The following LIMCH1 variants were observed in gnomAD, a reference collection of about 807,000 sequenced individuals.
The protein encoded by LIMCH1 is LIM and calponin homology domains 1, also known as LIM and calponin homology domains-containing protein 1.
In LIMCH1, 113 loss-of-function variants were observed where a neutral mutation model predicts 176.5. That is an observed-to-expected ratio of 0.64 (90% CI 0.55 to 0.75). The LOEUF (loss-of-function observed/expected upper bound fraction) is 0.75, where lower values mean the gene tolerates loss of function less well. LIMCH1 is among the 30% of genes least tolerant of loss of function. The probability of loss-of-function intolerance (pLI) is 0.00; values close to 1 mark genes in which losing one functional copy is unlikely to be tolerated. For synonymous variants in LIMCH1, 619 were observed against 645.9 expected (o/e 0.96, Z 0.63); for missense variants, 1,674 against 1,814.9 (o/e 0.92, Z 1.41).
chr4:41,623,547 C>T (rs2092732644), intron 7 of LIMCH1, among the ~76,000 whole-genome samples: 1 of 152,056 alleles, frequency 6.6e-6, no homozygotes, highest in Non-Finnish European at 1.5e-5. Flanking sequence ...CACTTGAGGT[C>T]AGGAGTTCAA....
At chr4:41,560,469 C>A (rs1051686832) in intron 1 of LIMCH1, among the ~76,000 whole-genome samples, 21 of 152,212 alleles carry the variant, frequency 1.4e-4, no homozygotes, top group Admixed American at 7.2e-4. Context: ...AAAATCTAGG[C>A]TTCTGAAGTA....
intron 2 of LIMCH1, among the ~76,000 whole-genome samples, chr4:41,511,033 G>T (rs539670689): frequency 4.9e-4 from 75 of 152,298 alleles, no homozygotes; most frequent in African/African-American, 1.8e-3. Context: ...AGCCACTGTA[G>T]ACTCTGCTGG....
At chr4:41,433,497 C>A (rs1265165061) in intron 1 of LIMCH1, among the ~76,000 whole-genome samples, 1 of 151,960 alleles carries the variant, frequency 6.6e-6, no homozygotes, top group Non-Finnish European at 1.5e-5. Context: ...CAGTTGGTGC[C>A]GGGGCTGGGC....
At chr4:41,553,655 A>G (rs893606848) in intron 1 of LIMCH1, among the ~76,000 whole-genome samples, 2 of 152,216 alleles carry the variant, frequency 1.3e-5, no homozygotes, top group South Asian at 4.2e-4. Context: ...AATGATAGCA[A>G]TGAAAGAACG....
rs115421177 is a variant in LIMCH1, at chr4:41,698,200, G to A, written c.*1015G>A. On this transcript the variant is annotated 3_prime_UTR_variant, in exon 32 of 32. Coordinates refer to ENST00000503057, the MANE Select transcript of LIMCH1 (RefSeq NM_001330672.2). ...GAAGCACAGGTGTCCAAAGAAAAGCGTTAAGTCCATCTTAATAGAATCTAT... is the reference window on the plus strand; with the variant it reads ...GAAGCACAGGTGTCCAAAGAAAAGCATTAAGTCCATCTTAATAGAATCTAT... 0.045 allele frequency: 6,790 copies of A among 152,272 alleles called. 199 individuals carry two copies. Among genetic ancestry groups the A allele is most frequent in the South Asian group, 0.1 (492 of 4,804 alleles). The allele number at this position is 152,272 out of a possible 1,614,324, so 9.4% of individuals were successfully genotyped here.
intron 1 of LIMCH1, among the ~76,000 whole-genome samples, chr4:41,454,970 GTGTGTGTGTT>G (rs1254572398): frequency 1.3e-5 from 2 of 148,448 alleles, no homozygotes; most frequent in African/African-American, 2.6e-5. Flanking sequence ...GTGTGTGTGT[GTGTGTGTGTT>G]TGTGTGGTCA....
intron 1 of LIMCH1, among the ~76,000 whole-genome samples, chr4:41,582,066 G>T (rs939675671): frequency 2.0e-5 from 3 of 152,268 alleles, no homozygotes; most frequent in African/African-American, 7.2e-5. Context: ...ATACTGCAAT[G>T]AACATGTTAT....
intron 1 of LIMCH1, among the ~76,000 whole-genome samples, chr4:41,453,300 A>G (rs1320302743): frequency 6.6e-6 from 1 of 152,218 alleles, no homozygotes; most frequent in African/African-American, 2.4e-5. Context: ...AACCCCACCT[A>G]GTCAAAAATC....
In LIMCH1 at chr4:41,620,831, G is replaced by A. The variant is rs73135477; in HGVS notation, c.725+141G>A. On this transcript the variant is annotated intron_variant, in intron 7 of 31. Coordinates refer to ENST00000503057, the MANE Select transcript of LIMCH1 (RefSeq NM_001330672.2). ...CATCACTGTTCCCTGCTCTGAGCAC[G>A]TAGATGATAGTCTTTGCCTTAAGGC... The A allele has an allele frequency of 9.7e-3, 9,357 of 966,108 alleles. 582 individuals carry two copies. In the African/African-American group the frequency reaches 0.14, roughly 14 times the overall value. The allele number at this position is 966,108 out of a possible 1,614,324, so 59.8% of individuals were successfully genotyped here. A position where few individuals can be genotyped will look rare whatever the true frequency, so the allele number is the denominator to read the frequency against.
At chr4:41,616,556 TAAAG>T (rs879710381) in intron 5 of LIMCH1, among the ~76,000 whole-genome samples, 68 of 149,682 alleles carry the variant, frequency 4.5e-4, no homozygotes, top group African/African-American at 1.5e-3. Flanking sequence ...AATAATAAAA[TAAAG>T]AAAATCATCA....
intron 3 of LIMCH1, among the ~76,000 whole-genome samples, chr4:41,526,568 A>G (rs2076680329): frequency 6.6e-6 from 1 of 152,072 alleles, no homozygotes; most frequent in African/African-American, 2.4e-5. Context: ...TTCTCGCGTC[A>G]TGCCTGTGCC....
At chr4:41,468,405 C>A (rs2154157517) in intron 1 of LIMCH1, among the ~76,000 whole-genome samples, 1 of 136,686 alleles carries the variant, frequency 7.3e-6, no homozygotes, top group East Asian at 2.3e-4. Context: ...TTCCTCCCTT[C>A]CTTCCTTCCT....
intron 1 of LIMCH1, among the ~76,000 whole-genome samples, chr4:41,384,202 C>A (rs976288133): frequency 6.6e-5 from 10 of 151,180 alleles, no homozygotes; most frequent in African/African-American, 2.2e-4. Flanking sequence ...CACATTACAT[C>A]CTGCTTTCTT....
intron 14 of LIMCH1, among the ~76,000 whole-genome samples, chr4:41,640,704 T>G (rs918789039): frequency 6.6e-6 from 1 of 152,204 alleles, no homozygotes; most frequent in African/African-American, 2.4e-5. Flanking sequence ...TTATACTATT[T>G]TTAGTTTATT....
rs557737217 is a variant in LIMCH1, at chr4:41,544,027, C to T, written c.-241+5677C>T. Among the ~76,000 whole-genome samples the T allele has an allele frequency of 2.6e-5, 4 of 152,258 alleles. No individual in the cohort carries two copies. In the South Asian group the frequency reaches 8.3e-4, roughly 32 times the overall value. On this transcript the variant is annotated intron_variant, in intron 1 of 31. Coordinates refer to ENST00000503057, the MANE Select transcript of LIMCH1 (RefSeq NM_001330672.2). ...CACCTATGGACATGCTTCCCTGCAG[C>T]AAATAACATGACAAACTCTTTGCCT...
chr4:41,380,122 C>T (rs1277030215), intron 1 of LIMCH1, among the ~76,000 whole-genome samples: 2 of 151,876 alleles, frequency 1.3e-5, no homozygotes, highest in Admixed American at 6.6e-5. Flanking sequence ...GTATTTTAAA[C>T]ACCACCACTA....
intron 13 of LIMCH1, among the ~76,000 whole-genome samples, chr4:41,634,634 C>G (rs1009219500): frequency 1.3e-5 from 2 of 152,154 alleles, no homozygotes; most frequent in African/African-American, 2.4e-5. Context: ...AGTAATGGAG[C>G]CTAGCACTGT....
intron 20 of LIMCH1, 124 bp from the exon 21 acceptor site, chr4:41,666,437 T>C (rs2094829354): frequency 1.7e-6 from 1 of 591,092 alleles, no homozygotes; most frequent in Non-Finnish European, 2.9e-6. Flanking sequence ...ATGTTTAAAT[T>C]TAAATGTTAA....
intron 1 of LIMCH1, among the ~76,000 whole-genome samples, chr4:41,547,896 T>TATATAA (rs1554094827): frequency 2.8e-5 from 4 of 140,764 alleles, no homozygotes; most frequent in Admixed American, 7.2e-5. Context: ...TATATATATA[T>TATATAA]AAACAGTGAG....
Sources: gnomAD v4.1 joint callset for allele counts (sites outside exome capture counted in the v4.1 genomes callset) on GRCh38, gnomAD v4.1.1 for gene constraint, MANE v1.5 for transcripts, NCBI Gene and HGNC (gene_info 2026-07-23, HGNC 2026-07-21) for gene names.